Variants in CDH4 observed in about 807,000 individuals in gnomAD.
CDH4 encodes cadherin-4.
In CDH4, 33 loss-of-function variants were observed where a neutral mutation model predicts 86.0. The ratio of observed to expected loss-of-function variants is 0.38; its 90% CI spans 0.29 to 0.51. CDH4 has a LOEUF of 0.51. Ranked by LOEUF, CDH4 falls within the 20% of genes least tolerant of loss-of-function variation. The probability of loss-of-function intolerance (pLI) is 0.86; values close to 1 mark genes in which losing one functional copy is unlikely to be tolerated. For missense variants in CDH4, 1,114 were observed against 1,307.4 expected (o/e 0.85, Z 2.28); for synonymous variants, 555 against 549.4 (o/e 1.01, Z -0.14).
intron 2 of CDH4, among the ~76,000 whole-genome samples, chr20:61,311,003 C>T (rs1042145135): frequency 1.3e-5 from 2 of 152,102 alleles, no homozygotes; most frequent in Non-Finnish European, 2.9e-5. Flanking sequence ...TCAGCCCTAA[C>T]GCTTCCCAAG....
intron 4 of CDH4, among the ~76,000 whole-genome samples, chr20:61,784,498 A>G (rs565300342): frequency 1.1e-5 from 1 of 92,720 alleles, no homozygotes; most frequent in African/African-American, 4.8e-5. Flanking sequence ...CTGTGCCCCC[A>G]GGAGAATGTA....
At chr20:61,716,871 G>A (rs1396328481) in intron 2 of CDH4, among the ~76,000 whole-genome samples, 2 of 152,162 alleles carry the variant, frequency 1.3e-5, no homozygotes, top group African/African-American at 2.4e-5. Flanking sequence ...TCCCACCACT[G>A]TACTCGAGCC....
At chr20:61,617,110 A>C (rs2086731297) in intron 2 of CDH4, among the ~76,000 whole-genome samples, 1 of 152,226 alleles carries the variant, frequency 6.6e-6, no homozygotes. Context: ...GTCATCCTGC[A>C]GAGGCTCATC....
intron 8 of CDH4, among the ~76,000 whole-genome samples, chr20:61,899,713 C>A (rs368796535): frequency 8.3e-4 from 127 of 152,284 alleles, no homozygotes; most frequent in African/African-American, 2.9e-3. Context: ...AGGTGTGAGC[C>A]ACCGCACCCA....
At chr20:61,426,762 G>A (rs572570949) in intron 2 of CDH4, among the ~76,000 whole-genome samples, 1 of 152,346 alleles carries the variant, frequency 6.6e-6, no homozygotes, top group Admixed American at 6.5e-5. Context: ...TTCCTGCAGG[G>A]AATCGAGGCA....
intron 2 of CDH4, among the ~76,000 whole-genome samples, chr20:61,604,900 A>G (rs986694393): frequency 8.7e-6 from 1 of 115,582 alleles, no homozygotes; most frequent in Non-Finnish European, 1.9e-5. Context: ...ACAGGAAGAG[A>G]GAGGCCTGGC....
intron 2 of CDH4, among the ~76,000 whole-genome samples, chr20:61,265,573 C>T (rs1055464594): frequency 1.4e-4 from 21 of 152,088 alleles, no homozygotes; most frequent in South Asian, 2.1e-4. Flanking sequence ...CAATCTTACA[C>T]GGACCTCAGT....
chr20:61,336,655 T>A (rs1362966019), intron 2 of CDH4, among the ~76,000 whole-genome samples: 1 of 152,188 alleles, frequency 6.6e-6, no homozygotes, highest in East Asian at 1.9e-4. Context: ...GCCTGTAGGA[T>A]GAAACTTCTT....
rs561432326 is a variant in CDH4 at position 61,755,389 on chromosome 20, C to T, written c.396+11600C>T. ...CACACCACACACACACACACACACA[C>T]GCCCCATGCACACCACACACACCAT... is the stretch of plus-strand genomic sequence containing the variant. On this transcript the variant is annotated intron_variant, in intron 3 of 15. Coordinates refer to ENST00000614565, the MANE Select transcript of CDH4 (RefSeq NM_001794.5). Among the ~76,000 whole-genome samples, 614 of 141,956 alleles carry T rather than the reference C, an allele frequency of 4.3e-3. 1 individual carries two copies. The highest frequency in any genetic ancestry group is 0.014 in the African/African-American group (524 of 38,212). 93.1% of individuals were successfully genotyped at this position (141,956 alleles called of 152,430 possible).
chr20:61,727,366 A>G (rs781251942), intron 2 of CDH4, among the ~76,000 whole-genome samples: 5 of 151,522 alleles, frequency 3.3e-5, no homozygotes, highest in Non-Finnish European at 7.4e-5. Context: ...TACCATCATC[A>G]TCAGTGCCAT....
intron 2 of CDH4, among the ~76,000 whole-genome samples, chr20:61,662,880 C>A (rs772395879): frequency 6.6e-6 from 1 of 152,024 alleles, no homozygotes; most frequent in Non-Finnish European, 1.5e-5. Context: ...GCCGGTGGTG[C>A]AGGCCCAGGA....
intron 2 of CDH4, among the ~76,000 whole-genome samples, chr20:61,351,820 G>T (rs916015541): frequency 6.6e-6 from 1 of 151,910 alleles, no homozygotes; most frequent in South Asian, 2.1e-4. Flanking sequence ...AGGTTCAAGC[G>T]ATTCTGCAGC....
At chr20:61,533,263 G>T (rs1209449767) in intron 2 of CDH4, among the ~76,000 whole-genome samples, 1 of 152,210 alleles carries the variant, frequency 6.6e-6, no homozygotes, top group Non-Finnish European at 1.5e-5. Context: ...CAGGGCGATG[G>T]GGGGCAGGCC....
chr20:61,776,262 G>T (rs773040120), intron 4 of CDH4, among the ~76,000 whole-genome samples: 12 of 152,246 alleles, frequency 7.9e-5, no homozygotes, highest in Non-Finnish European at 1.3e-4. Context: ...AGCTTGGAAA[G>T]TGTGGCTGAG....
intron 2 of CDH4, among the ~76,000 whole-genome samples, chr20:61,565,181 GTGGTGGTCCTCT>G (rs2086264235): frequency 1.1e-5 from 1 of 88,592 alleles, no homozygotes; most frequent in Non-Finnish European, 2.4e-5. Flanking sequence ...GGTGGTGGTG[GTGGTGGTCCTCT>G]TGGTGGTGGT....
chr20:61,341,503 T>C (rs1377849134), intron 2 of CDH4, among the ~76,000 whole-genome samples: 1 of 151,436 alleles, frequency 6.6e-6, no homozygotes, highest in East Asian at 1.9e-4. Context: ...CAAGATTACT[T>C]GGTTTCATAT....
rs976104074 is a variant in CDH4 at position 61,735,055 on chromosome 20, G to A, written c.170-8508G>A. Among the ~76,000 whole-genome samples, 6 of 152,182 alleles carry A rather than the reference G, an allele frequency of 3.9e-5. No homozygotes were observed. In the East Asian group the frequency reaches 9.7e-4, roughly 25 times the overall value. On this transcript the variant is annotated intron_variant, in intron 2 of 15. Transcript: ENST00000614565. ...CGTCTTCCCCAGGGACAGGAAAAAC[G>A]ACAGAGGGGCCAGAAAGAGAGAGGG...
intron 2 of CDH4, among the ~76,000 whole-genome samples, chr20:61,643,210 G>T (rs968608291): frequency 2.0e-5 from 3 of 152,184 alleles, no homozygotes; most frequent in Admixed American, 6.5e-5. Flanking sequence ...AGGGAGGGGG[G>T]GTGTAGAGAG....
intron 2 of CDH4, among the ~76,000 whole-genome samples, chr20:61,372,375 C>T (rs1005099228): frequency 6.6e-6 from 1 of 152,252 alleles, no homozygotes; most frequent in Admixed American, 6.5e-5. Context: ...CACGTGTCTA[C>T]CCGCACACGC....
Sources: allele counts gnomAD v4.1 joint callset (sites outside exome capture counted in the v4.1 genomes callset), GRCh38; gene constraint gnomAD v4.1.1; transcripts MANE v1.5; gene names NCBI Gene and HGNC (gene_info 2026-07-23, HGNC 2026-07-21).